PDPR: variants seen among roughly 807,000 people sequenced by gnomAD.
PDPR encodes pyruvate dehydrogenase phosphatase regulatory subunit.
PDPR carries 50 observed loss-of-function variants against 102.2 expected under a neutral mutation model. That is an observed-to-expected ratio of 0.49 (90% CI 0.39 to 0.62). The LOEUF (loss-of-function observed/expected upper bound fraction) is 0.62, where lower values mean the gene tolerates loss of function less well. Ranked by LOEUF, PDPR falls within the 20% of genes least tolerant of loss-of-function variation. The pLI, the probability that PDPR is intolerant of heterozygous loss-of-function variation, is 0.00. For synonymous variants in PDPR, 259 were observed against 406.0 expected (o/e 0.64, Z 4.35); for missense variants, 625 against 1,098.2 (o/e 0.57, Z 6.09).
intron 9 of PDPR, among the ~76,000 whole-genome samples, chr16:70,133,609 G>GATTTTACC (rs1160698020): frequency 6.6e-6 from 1 of 152,050 alleles, no homozygotes; most frequent in East Asian, 1.9e-4. Context: ...GTAGAGACAG[G>GATTTTACC]ATTTTACCAC....
intron 11 of PDPR, among the ~76,000 whole-genome samples, chr16:70,139,915 A>G (rs544329134): frequency 1.3e-5 from 2 of 152,270 alleles, no homozygotes; most frequent in African/African-American, 4.8e-5. Flanking sequence ...AGGACTCTGG[A>G]TGGCCTTTAA....
Position 70,129,067 on chromosome 16 carries a change from AGTG to A in PDPR, c.556_558del (p.Val186del), listed in dbSNP as rs1674945719. On this transcript the variant is annotated inframe_deletion, in exon 6 of 19. Transcript: ENST00000288050. Reference sequence around the variant, plus strand: ...GGGCCATGCATGTTCCCGAGGATGCAGTGGTGTCTTCCGCTGACGTGGCTCTTG... The same window carrying A: ...GGGCCATGCATGTTCCCGAGGATGCAGTGTCTTCCGCTGACGTGGCTCTTG... 1 of 1,613,780 alleles carries A rather than the reference AGTG, an allele frequency of 6.2e-7. No homozygotes were observed. The highest frequency in any genetic ancestry group is 1.3e-5 in the African/African-American group (1 of 74,958).
chr16:70,156,293 A>G (rs1458431932), intron 18 of PDPR, 182 bp from the exon 19 acceptor site: 8 of 708,586 alleles, frequency 1.1e-5, no homozygotes, highest in African/African-American at 1.8e-5. Context: ...GGCGTCTTTT[A>G]TATTTCACAT....
At chr16:70,147,263 CT>C (rs1327913972) in intron 16 of PDPR, among the ~76,000 whole-genome samples, 151 of 145,440 alleles carry the variant, frequency 1.0e-3, no homozygotes, top group African/African-American at 3.7e-3. Flanking sequence ...ACACTCCAAG[CT>C]TGCTTTATTT....
At chr16:70,138,219 T>TC (rs1965359526) in intron 10 of PDPR, among the ~76,000 whole-genome samples, 1 of 141,876 alleles carries the variant, frequency 7.0e-6, no homozygotes, top group Non-Finnish European at 1.5e-5. Flanking sequence ...TTTTTTTTTT[T>TC]TTTTTTTTTT....
chr16:70,124,630 G>C, intron 3 of PDPR, among the ~76,000 whole-genome samples: 1 of 152,250 alleles, frequency 6.6e-6, no homozygotes, highest in East Asian at 1.9e-4. Flanking sequence ...GTACCTCCAA[G>C]GGCGAGAGCC....
At position 70,156,625 on chromosome 16, in the gene PDPR, G is replaced by A; in HGVS notation, c.2386G>A (p.Val796Ile). Residue 796 changes from valine (V) to isoleucine (I), a missense_variant, in exon 19 of 19, where the codon GTT becomes ATT. Coordinates refer to ENST00000288050, the MANE Select transcript of PDPR (RefSeq NM_017990.5). ...GEPIYRNGQY[V>I]GKTTSSAYSY... Reference sequence around the variant, plus strand: ...GCCCATTTACCGGAATGGGCAGTATGTTGGCAAGACCACCAGCAGTGCCTA... The same window carrying A: ...GCCCATTTACCGGAATGGGCAGTATATTGGCAAGACCACCAGCAGTGCCTA... The A allele has an allele frequency of 1.9e-6, 3 of 1,614,116 alleles. No individual in the cohort carries two copies. Among genetic ancestry groups the A allele is most frequent in the Non-Finnish European group, 2.5e-6 (3 of 1,179,912 alleles).
chr16:70,142,281 A>G lies in PDPR; in HGVS notation c.1363A>G (p.Arg455Gly). The G allele has an allele frequency of 6.2e-7, 1 of 1,614,038 alleles. No individual in the cohort carries two copies. The highest frequency in any genetic ancestry group is 1.3e-5 in the African/African-American group (1 of 75,076). The change falls in exon 12 of 19, where the codon AGG becomes GGG. Residue 455 changes from arginine (R) to glycine (G), a missense_variant. Arg to Gly is a moderately radical substitution (Grantham distance 125). This residue lies in a region of PDPR where 34 missense variants were observed against 76.6 expected (regional missense o/e 0.44). Coordinates refer to ENST00000288050, the MANE Select transcript of PDPR (RefSeq NM_017990.5). Reference sequence around the variant, plus strand: ...TCCCCGCTGGGACTTCCAGACCGGTAGGCAGTTACGCACCTCTCCTCTCTA... The same window carrying G: ...TCCCCGCTGGGACTTCCAGACCGGTGGGCAGTTACGCACCTCTCCTCTCTA... ...KVPRWDFQTG[R>G]QLRTSPLYDR...
In PDPR at chr16:70,157,390, GC is replaced by G. The variant is rs1967341891; in HGVS notation, c.*512del. On this transcript the variant is annotated 3_prime_UTR_variant, in exon 19 of 19. Coordinates refer to ENST00000288050, the MANE Select transcript of PDPR (RefSeq NM_017990.5). ...GCAGCTCGTTCTCCTGTTCTGCTGT[GC>G]TGTGGGCTGGCACTCGATACCTCTG... The G allele has an allele frequency of 5.5e-6, 2 of 363,466 alleles. No homozygotes were observed. The highest frequency in any genetic ancestry group is 1.5e-4 in the East Asian group (2 of 13,572). The allele number at this position is 363,466 out of a possible 1,614,324, so 22.5% of individuals were successfully genotyped here.
chr16:70,127,585 C>A (rs1328640982), intron 4 of PDPR, among the ~76,000 whole-genome samples, 192 bp downstream of exon 4: 12 of 152,362 alleles, frequency 7.9e-5, no homozygotes, highest in African/African-American at 2.4e-4. Context: ...GTCAGGAGAT[C>A]GAGACCATCC....
chr16:70,156,923 G>A lies in PDPR; in HGVS notation c.*44G>A. ...ACCTCCTCCCCATCATCTTGTCCTA[G>A]AGTGGGCGTCACCTTGGAGCTTCTC... On this transcript the variant is annotated 3_prime_UTR_variant, in exon 19 of 19. Transcript: ENST00000288050. 1 of 1,598,378 alleles carries A rather than the reference G, an allele frequency of 6.3e-7. No individual in the cohort carries two copies. The highest frequency in any genetic ancestry group is 8.5e-7 in the Non-Finnish European group (1 of 1,172,274).
chr16:70,118,450 C>T (rs1962879628), intron 2 of PDPR, among the ~76,000 whole-genome samples: 1 of 152,198 alleles, frequency 6.6e-6, no homozygotes, highest in Non-Finnish European at 1.5e-5. Flanking sequence ...CCTAAGCCAC[C>T]AAGGAGCAGG....
At chr16:70,139,818 T>C (rs1392386171) in intron 11 of PDPR, among the ~76,000 whole-genome samples, 1 of 152,260 alleles carries the variant, frequency 6.6e-6, no homozygotes, top group African/African-American at 2.4e-5. Context: ...ATACTTATGC[T>C]CAGGACTAAG....
At chr16:70,124,468 G>A (rs1178687419) in intron 3 of PDPR, among the ~76,000 whole-genome samples, 6 of 152,384 alleles carry the variant, frequency 3.9e-5, no homozygotes, top group Non-Finnish European at 7.3e-5. Flanking sequence ...TGTTCTCATA[G>A]ATCAATGGGT....
intron 9 of PDPR, among the ~76,000 whole-genome samples, chr16:70,132,996 T>G (rs1964697777): frequency 6.6e-6 from 1 of 152,108 alleles, no homozygotes; most frequent in South Asian, 2.1e-4. Context: ...AATTTTTTGT[T>G]GAGATGGGGT....
rs781690938 is a variant in PDPR, at chr16:70,146,238, G to A, written c.1962+10G>A. The A allele has an allele frequency of 1.9e-6, 3 of 1,613,858 alleles. No individual in the cohort carries two copies. Among genetic ancestry groups the A allele is most frequent in the Non-Finnish European group, 8.5e-7 (1 of 1,179,818 alleles). On this transcript the variant is annotated intron_variant, in intron 16 of 18. Coordinates refer to ENST00000288050, the MANE Select transcript of PDPR (RefSeq NM_017990.5). ...AAGCCTCTTTTGCAAGGTAAGTGCTGATAAAGTTCTGTTTCTTAAATGGGC... is the reference window on the plus strand; with the variant it reads ...AAGCCTCTTTTGCAAGGTAAGTGCTAATAAAGTTCTGTTTCTTAAATGGGC...
chr16:70,153,335 C>T, intron 17 of PDPR, 56 bp from the exon 18 acceptor site: 1 of 1,541,976 alleles, frequency 6.5e-7, no homozygotes, highest in Non-Finnish European at 8.8e-7. Flanking sequence ...TCCAGACATG[C>T]TCCATGCTTA....
intron 18 of PDPR, among the ~76,000 whole-genome samples, chr16:70,154,596 A>G (rs1304208612): frequency 6.6e-6 from 1 of 152,276 alleles, no homozygotes; most frequent in Non-Finnish European, 1.5e-5. Context: ...GAATATTTGT[A>G]CAAACTAGTC....
chr16:70,153,318 C>T (rs1966844237), intron 17 of PDPR, 73 bp from the exon 18 acceptor site: 1 of 1,447,268 alleles, frequency 6.9e-7, no homozygotes, highest in South Asian at 1.3e-5. Context: ...TGTGAGCCAT[C>T]AGCGCTTCCA....
Sources: allele counts gnomAD v4.1 joint callset (sites outside exome capture counted in the v4.1 genomes callset), GRCh38; gene constraint gnomAD v4.1.1; regional missense constraint gnomAD v4.1.1; transcripts MANE v1.5; gene names NCBI Gene and HGNC (gene_info 2026-07-23, HGNC 2026-07-21).